The following ZBTB38 variants were observed in gnomAD, a reference collection of about 807,000 sequenced individuals.
The protein encoded by ZBTB38 is zinc finger and BTB domain-containing protein 38.
Under a neutral mutation model 76.8 loss-of-function variants are expected in ZBTB38, and 20 were observed. The ratio of observed to expected loss-of-function variants is 0.26; its 90% CI spans 0.18 to 0.38. The LOEUF (loss-of-function observed/expected upper bound fraction) is 0.38, where lower values mean the gene tolerates loss of function less well. Ranked by LOEUF, ZBTB38 falls within the 10% of genes least tolerant of loss-of-function variation. The pLI, the probability that ZBTB38 is intolerant of heterozygous loss-of-function variation, is 1.00. For missense variants in ZBTB38, 1,082 were observed against 1,482.3 expected, an observed-to-expected ratio of 0.73 and a Z score of 4.43; for synonymous variants, 504 against 544.2, an observed-to-expected ratio of 0.93 and a Z score of 1.03.
intron 1 of ZBTB38, among the ~76,000 whole-genome samples, chr3:141,332,963 GA>G (rs36079580): frequency 6.6e-6 from 1 of 152,148 alleles, no homozygotes; most frequent in East Asian, 1.9e-4. Context: ...ATGGCACCAG[GA>G]AAAAAATACC....
intron 5 of ZBTB38, among the ~76,000 whole-genome samples, chr3:141,423,920 G>A (rs1337511880): frequency 6.6e-6 from 1 of 152,208 alleles, no homozygotes; most frequent in African/African-American, 2.4e-5. Context: ...AGAGAAAGGA[G>A]CAGATGTGAT....
At chr3:141,378,005 G>T (rs139981562) in intron 2 of ZBTB38, among the ~76,000 whole-genome samples, 1 of 151,918 alleles carries the variant, frequency 6.6e-6, no homozygotes, top group Non-Finnish European at 1.5e-5. Flanking sequence ...AGGGAGACCC[G>T]CATCTCTACA....
At chr3:141,330,679 A>G (rs1305652899) in intron 1 of ZBTB38, among the ~76,000 whole-genome samples, 4 of 152,178 alleles carry the variant, frequency 2.6e-5, no homozygotes, top group Admixed American at 6.5e-5. Context: ...TTAATCCCCA[A>G]TGGGGCAGTA....
chr3:141,353,297 A>C (rs1326266686), intron 1 of ZBTB38, among the ~76,000 whole-genome samples: 1 of 151,812 alleles, frequency 6.6e-6, no homozygotes, highest in African/African-American at 2.4e-5. Context: ...TCTTTCCATG[A>C]GTTCTGGCCC....
At chr3:141,416,803 T>TA (rs779056737) in intron 5 of ZBTB38, among the ~76,000 whole-genome samples, 97 of 152,250 alleles carry the variant, frequency 6.4e-4, no homozygotes, top group Non-Finnish European at 1.1e-3. Context: ...GGATAAGCGT[T>TA]ACGCAGCCAC....
intron 2 of ZBTB38, among the ~76,000 whole-genome samples, chr3:141,378,422 C>T (rs558905720): frequency 6.6e-6 from 1 of 152,258 alleles, no homozygotes; most frequent in African/African-American, 2.4e-5. Flanking sequence ...ACTGTATCTG[C>T]GTTTATTTGA....
Position 141,444,193 on chromosome 3 carries a change from C to T in ZBTB38, c.1805C>T (p.Thr602Ile), listed in dbSNP as rs1245565024. The T allele has an allele frequency of 6.2e-7, 1 of 1,614,170 alleles. No individual in the cohort carries two copies. The highest frequency in any genetic ancestry group is 8.5e-7 in the Non-Finnish European group (1 of 1,180,028). Residue 602 changes from threonine to isoleucine, a missense_variant, in exon 6 of 6, where the codon ACC becomes ATC. Thr to Ile is a moderately conservative substitution (Grantham distance 89). This residue lies in a region of ZBTB38 where 471 missense variants were observed against 581.0 expected (regional missense o/e 0.81). Transcript: ENST00000321464. This position sits in a 1 kb window ranked among gnomAD's most constrained non-coding sequence, Gnocchi z 5.1. ...CAAATGAATGAGTCTGCACCTGGTACCTATGTTGTTCAGAATCCACACAGC... is the reference window on the plus strand; with the variant it reads ...CAAATGAATGAGTCTGCACCTGGTATCTATGTTGTTCAGAATCCACACAGC... Reference protein sequence around the residue: ...NSQMNESAPGTYVVQNPHSSE... With the variant: ...NSQMNESAPGIYVVQNPHSSE...
At position 141,412,803 on chromosome 3, in the gene ZBTB38, G is replaced by A. The variant is rs182606059; in HGVS notation, c.-1+8772G>A. On this transcript the variant is annotated intron_variant, in intron 5 of 5. Transcript: ENST00000321464. ...CTCCCTCCCACAATTTTTTCCACTC[G>A]GTTTTTTTTTTTTATCTGAACCATT... 3.0e-3 allele frequency among the ~76,000 whole-genome samples: 461 copies of A among 151,300 alleles called. 2 individuals carry two copies. The highest frequency in any genetic ancestry group is 0.011 in the African/African-American group (447 of 41,184).
intron 5 of ZBTB38, among the ~76,000 whole-genome samples, chr3:141,440,836 C>G (rs180675511): frequency 5.9e-5 from 9 of 151,800 alleles, no homozygotes; most frequent in Admixed American, 2.6e-4. Context: ...GAGATCGAGA[C>G]CATCCTGGCC....
intron 2 of ZBTB38, among the ~76,000 whole-genome samples, chr3:141,373,399 A>G (rs1944917622): frequency 1.3e-5 from 2 of 152,210 alleles, no homozygotes; most frequent in Non-Finnish European, 2.9e-5. Flanking sequence ...ATGTGGACTG[A>G]GCACACAGTC....
At chr3:141,341,360 CAT>C (rs1251650984) in intron 1 of ZBTB38, among the ~76,000 whole-genome samples, 9 of 152,208 alleles carry the variant, frequency 5.9e-5, no homozygotes, top group Admixed American at 5.9e-4. Context: ...ATACAATACA[CAT>C]GACTGTATAC....
chr3:141,366,972 C>T (rs1292490499), upstream of ZBTB38: 2 of 152,466 alleles, frequency 1.3e-5, no homozygotes, highest in Admixed American at 6.5e-5. Flanking sequence ...CAGCCATTGC[C>T]AGGACTCTTC....
At chr3:141,386,011 A>G (rs1219840627) in intron 3 of ZBTB38, 5 of 152,240 alleles carry the variant, frequency 3.3e-5, no homozygotes, top group African/African-American at 1.2e-4. Flanking sequence ...CCTCAAAGTA[A>G]AACAAAGAAA....
At chr3:141,340,954 G>GAA (rs375341315) in intron 1 of ZBTB38, among the ~76,000 whole-genome samples, 1 of 53,470 alleles carries the variant, frequency 1.9e-5, no homozygotes, top group Non-Finnish European at 3.4e-5. Context: ...AAGAAGGAAA[G>GAA]AAAGAAAGAA....
chr3:141,340,949 G>GTAAAGAAA (rs1943165885), intron 1 of ZBTB38, among the ~76,000 whole-genome samples: 1 of 111,928 alleles, frequency 8.9e-6, no homozygotes, highest in Non-Finnish European at 1.7e-5. Context: ...AAAGAAAGAA[G>GTAAAGAAA]GAAAGAAAGA....
At chr3:141,415,522 C>T (rs913098387) in intron 5 of ZBTB38, among the ~76,000 whole-genome samples, 2 of 152,166 alleles carry the variant, frequency 1.3e-5, no homozygotes, top group South Asian at 4.1e-4. Flanking sequence ...CCCAGACCCG[C>T]TGTGTCAGAA....
At chr3:141,360,716 A>C (rs1283398816) in intron 1 of ZBTB38, among the ~76,000 whole-genome samples, 1 of 152,116 alleles carries the variant, frequency 6.6e-6, no homozygotes, top group Non-Finnish European at 1.5e-5. Flanking sequence ...GACTTACTGG[A>C]CCAGATAGTT....
At chr3:141,354,939 A>G (rs1462265747) in intron 1 of ZBTB38, among the ~76,000 whole-genome samples, 1 of 152,046 alleles carries the variant, frequency 6.6e-6, no homozygotes, top group East Asian at 1.9e-4. Flanking sequence ...CTTCTTGAAG[A>G]TCCTGTTTTC....
At chr3:141,415,703 G>T (rs925632657) in intron 5 of ZBTB38, among the ~76,000 whole-genome samples, 63 of 152,200 alleles carry the variant, frequency 4.1e-4, no homozygotes, top group Non-Finnish European at 7.1e-4. Flanking sequence ...AGGCGGTGGG[G>T]TTGAGGGTTG....
Sources: allele counts gnomAD v4.1 joint callset (sites outside exome capture counted in the v4.1 genomes callset), GRCh38; gene constraint gnomAD v4.1.1; regional missense constraint gnomAD v4.1.1; non-coding constraint Gnocchi (gnomAD v3.1); transcripts MANE v1.5; gene names NCBI Gene and HGNC (gene_info 2026-07-23, HGNC 2026-07-21).